The following NALF1 variants were observed in gnomAD, a reference collection of about 807,000 sequenced individuals.
NALF1 encodes the protein family with sequence similarity 155 member A.
A neutral mutation model predicts 48.4 loss-of-function variants in NALF1; 3 were observed. The ratio of observed to expected loss-of-function variants is 0.06; its 90% CI spans 0.03 to 0.16. The LOEUF (loss-of-function observed/expected upper bound fraction) is 0.16, where lower values mean the gene tolerates loss of function less well. NALF1 is among the 10% of genes least tolerant of loss of function. NALF1 has a pLI of 1.00. For missense variants in NALF1, 526 were observed against 571.5 expected (o/e 0.92, Z 0.81); for synonymous variants, 262 against 245.7 (o/e 1.07, Z -0.62).
chr13:107,203,985 C>T (rs1342416988), intron 2 of NALF1, among the ~76,000 whole-genome samples: 1 of 136,566 alleles, frequency 7.3e-6, no homozygotes, highest in African/African-American at 2.6e-5. Flanking sequence ...CAAGTGTCAC[C>T]CAGGTGAGCT....
At chr13:107,341,434 T>G (rs1240476075) in intron 1 of NALF1, among the ~76,000 whole-genome samples, 1 of 152,046 alleles carries the variant, frequency 6.6e-6, no homozygotes, top group African/African-American at 2.4e-5. Context: ...AGTTCTAGGC[T>G]AAGACTTTGT....
At chr13:107,790,253 G>C (rs1300100954) in intron 1 of NALF1, among the ~76,000 whole-genome samples, 1 of 152,014 alleles carries the variant, frequency 6.6e-6, no homozygotes, top group Non-Finnish European at 1.5e-5. Flanking sequence ...AAAATAAAAA[G>C]TATTAAACAT....
At chr13:107,549,712 A>T (rs1340779588) in intron 1 of NALF1, among the ~76,000 whole-genome samples, 2 of 152,188 alleles carry the variant, frequency 1.3e-5, no homozygotes, top group Non-Finnish European at 2.9e-5. Flanking sequence ...TTATTTAAAC[A>T]AGAACAATCT....
chr13:107,585,317 C>T lies in NALF1; in HGVS notation c.915+280365G>A, dbSNP rs9559075. On this transcript the variant is annotated intron_variant, in intron 1 of 2. Transcript: ENST00000375915. ...CAAATCAAGGCTAGCATGGCAAATG[C>T]GAGTAAAGAAAAAAAATACTCGGTA... Among the ~76,000 whole-genome samples, 3,350 of 149,204 alleles carry T rather than the reference C, an allele frequency of 0.022. 215 individuals carry two copies. The East Asian group carries it at 0.26, about 12-fold the overall frequency.
intron 1 of NALF1, among the ~76,000 whole-genome samples, chr13:107,714,154 A>C (rs1426300318): frequency 1.3e-5 from 2 of 152,264 alleles, no homozygotes; most frequent in Non-Finnish European, 2.9e-5. Flanking sequence ...CAAAGAAAGA[A>C]GCTCTTTTGT....
At chr13:107,513,999 C>A (rs539048081) in intron 1 of NALF1, among the ~76,000 whole-genome samples, 1 of 152,292 alleles carries the variant, frequency 6.6e-6, no homozygotes, top group African/African-American at 2.4e-5. Context: ...CATGGACAAG[C>A]TTTGCTAAGG....
intron 1 of NALF1, among the ~76,000 whole-genome samples, chr13:107,673,383 T>C (rs1566438618): frequency 6.6e-6 from 1 of 152,174 alleles, no homozygotes; most frequent in Non-Finnish European, 1.5e-5. Flanking sequence ...TGCTGTCTTC[T>C]GGAAGGTAGA....
chr13:107,257,019 G>A (rs1170736272), intron 1 of NALF1, among the ~76,000 whole-genome samples: 1 of 152,120 alleles, frequency 6.6e-6, no homozygotes, highest in African/African-American at 2.4e-5. Flanking sequence ...CATGGCTGGG[G>A]AGGCCTCAGG....
chr13:107,171,208 C>T (rs1275988694), intron 2 of NALF1, among the ~76,000 whole-genome samples: 2 of 152,176 alleles, frequency 1.3e-5, no homozygotes, highest in Admixed American at 6.5e-5. Flanking sequence ...CAGATCATAA[C>T]GTCATAGCTC....
rs569428356 is a variant in NALF1 at position 107,454,295 on chromosome 13, A to G, written c.916-243540T>C. On this transcript the variant is annotated intron_variant, in intron 1 of 2. Coordinates refer to ENST00000375915, the MANE Select transcript of NALF1 (RefSeq NM_001080396.3). ...AGAACTGCCCCAAACTGGGTAATTC[A>G]TAAAAGAAAGAGGTTTAATTGACTC... Among the ~76,000 whole-genome samples, 5 of 152,322 alleles carry G rather than the reference A, an allele frequency of 3.3e-5. No homozygotes were observed. In the South Asian group the frequency reaches 8.3e-4, roughly 25 times the overall value.
chr13:107,285,488 T>G (rs529118766), intron 1 of NALF1, among the ~76,000 whole-genome samples: 16 of 152,338 alleles, frequency 1.1e-4, no homozygotes, highest in African/African-American at 3.6e-4. Flanking sequence ...CACGTTCTCA[T>G]GTTGCACTTC....
chr13:107,718,345 G>T (rs1875882671), intron 1 of NALF1, among the ~76,000 whole-genome samples: 1 of 152,156 alleles, frequency 6.6e-6, no homozygotes, highest in Non-Finnish European at 1.5e-5. Context: ...ATCACAGTCA[G>T]CAACTGCACC....
chr13:107,605,624 T>G (rs1426157330), intron 1 of NALF1, among the ~76,000 whole-genome samples: 2 of 152,172 alleles, frequency 1.3e-5, no homozygotes, highest in East Asian at 3.9e-4. Flanking sequence ...AATTCTAACT[T>G]GATCCTTCTT....
intron 1 of NALF1, among the ~76,000 whole-genome samples, chr13:107,794,324 T>C (rs1442102481): frequency 1.3e-5 from 2 of 152,176 alleles, no homozygotes; most frequent in Non-Finnish European, 2.9e-5. Flanking sequence ...CTGTAGGCTT[T>C]TGACTTGTCC....
At chr13:107,216,338 T>G (rs1357613089) in intron 1 of NALF1, among the ~76,000 whole-genome samples, 1 of 152,254 alleles carries the variant, frequency 6.6e-6, no homozygotes, top group Non-Finnish European at 1.5e-5. Flanking sequence ...GAATGTCTGC[T>G]TTCTGCTATG....
At chr13:107,787,910 T>C (rs966004674) in intron 1 of NALF1, among the ~76,000 whole-genome samples, 2 of 152,212 alleles carry the variant, frequency 1.3e-5, no homozygotes, top group Admixed American at 1.3e-4. Flanking sequence ...TTGTTAGGAA[T>C]TGAAAGCTTT....
chr13:107,297,016 T>C (rs1220353328), intron 1 of NALF1, among the ~76,000 whole-genome samples: 1 of 151,968 alleles, frequency 6.6e-6, no homozygotes, highest in African/African-American at 2.4e-5. Flanking sequence ...ATTAGAGTTT[T>C]TTTATTTTAT....
intron 1 of NALF1, among the ~76,000 whole-genome samples, chr13:107,730,622 T>C (rs990857771): frequency 1.3e-5 from 2 of 152,314 alleles, no homozygotes; most frequent in East Asian, 1.9e-4. Context: ...CTATGACAGC[T>C]CAGAAACAAT....
intron 1 of NALF1, among the ~76,000 whole-genome samples, chr13:107,553,869 T>C (rs1202727749): frequency 6.6e-6 from 1 of 151,978 alleles, no homozygotes; most frequent in African/African-American, 2.4e-5. Flanking sequence ...ATGTTAGTAC[T>C]TATCCTATCC....
Sources: allele counts gnomAD v4.1 joint callset (sites outside exome capture counted in the v4.1 genomes callset), GRCh38; gene constraint gnomAD v4.1.1; transcripts MANE v1.5; gene names NCBI Gene and HGNC (gene_info 2026-07-23, HGNC 2026-07-21).